The following ZNF578 variants were observed in gnomAD, a reference collection of about 807,000 sequenced individuals.
The protein encoded by ZNF578 is zinc finger protein 578, also known as Putative chemokine-related protein B42.
In ZNF578, 8 loss-of-function variants were observed where a neutral mutation model predicts 8.3. The observed-to-expected ratio is 0.96, with a 90% confidence interval of 0.56 to 1.74. The LOEUF (loss-of-function observed/expected upper bound fraction) is 1.74. Ranked by LOEUF, ZNF578 falls within the 40% of genes most tolerant of loss-of-function variation. The probability of loss-of-function intolerance (pLI) is 0.00; values close to 1 mark genes in which losing one functional copy is unlikely to be tolerated. For synonymous variants in ZNF578, 206 were observed against 232.2 expected, an observed-to-expected ratio of 0.89 and a Z score of 1.03; for missense variants, 726 against 707.5, an observed-to-expected ratio of 1.03 and a Z score of -0.30.
rs114016193 is a variant in ZNF578 at position 52,472,670 on chromosome 19, T to C, written c.-122+15712T>C. ...TATTTTGAGGTTATTTGGTAGAGCA[T>C]AGAAGCACTAAGCCATTCTGTAAGG... On this transcript the variant is annotated intron_variant, in intron 2 of 5. Coordinates refer to ENST00000421239, the MANE Select transcript of ZNF578 (RefSeq NM_001099694.2). Among the ~76,000 whole-genome samples, 494 of 152,296 alleles carry C rather than the reference T, an allele frequency of 3.2e-3. 3 individuals are homozygous for C. Among genetic ancestry groups the C allele is most frequent in the African/African-American group, 0.011 (469 of 41,564 alleles).
In ZNF578 at chr19:52,511,221, T is replaced by G; in HGVS notation, c.840T>G (p.Cys280Trp). The G allele has an allele frequency of 6.2e-7, 1 of 1,614,222 alleles. No homozygotes were observed. The highest frequency in any genetic ancestry group is 8.5e-7 in the Non-Finnish European group (1 of 1,180,042). ...GATACCTTGCACGCCATCGTAGATG[T>G]CACACTAGTGAGAAACCTTACAAGT... ...EKRYLARHRR[C>W]HTSEKPYKCN... The change falls in exon 6 of 6, where the codon TGT becomes TGG. Residue 280 changes from cysteine (C) to tryptophan (W), a missense_variant. By Grantham distance (215) the Cys-to-Trp change is radical. Coordinates refer to ENST00000421239, the MANE Select transcript of ZNF578 (RefSeq NM_001099694.2).
intron 2 of ZNF578, chr19:52,474,092 C>T: frequency 2.7e-6 from 1 of 366,292 alleles, no homozygotes; most frequent in Middle Eastern, 3.9e-4. Flanking sequence ...AGTATGAATT[C>T]TCTGATGATT....
rs760030665 is a variant in ZNF578, at chr19:52,510,694, G to A, written c.313G>A (p.Glu105Lys). 1 of 1,612,726 alleles carries A rather than the reference G, an allele frequency of 6.2e-7. No homozygotes were observed. Among genetic ancestry groups the A allele is most frequent in the Non-Finnish European group, 8.5e-7 (1 of 1,179,604 alleles). ...SYHTGDFCFQ[E>K]IEKDIHDFEF... is the part of the protein sequence containing the mutation. ...TCACACTGGAGATTTTTGCTTCCAG[G>A]AAATTGAAAAAGATATTCATGACTT... The change falls in exon 6 of 6, where the codon GAA (glutamate) becomes AAA (lysine). Residue 105 changes from glutamate (E) to lysine (K), a missense_variant. Transcript: ENST00000421239.
At chr19:52,500,104 C>A (rs185124971) in intron 3 of ZNF578, among the ~76,000 whole-genome samples, 6 of 152,160 alleles carry the variant, frequency 3.9e-5, no homozygotes, top group African/African-American at 1.4e-4. Flanking sequence ...CTGATATCAT[C>A]TTCTCCGGGT....
rs1568468202 is a variant in ZNF578 at position 52,511,428 on chromosome 19, A to G, written c.1047A>G (p.Gly349=). 2 of 1,613,860 alleles carry G rather than the reference A, an allele frequency of 1.2e-6. No homozygotes were observed. The highest frequency in any genetic ancestry group is 1.7e-6 in the Non-Finnish European group (2 of 1,179,910). ...GEKPYKCNEC[G]KSFSYKSSLR... ...AACCTTACAAGTGTAATGAATGTGG[A>G]AAGTCCTTCAGTTACAAGTCATCCC... The change falls in exon 6 of 6, where the codon GGA becomes GGG. Residue 349 remains glycine (G), a synonymous_variant. Coordinates refer to ENST00000421239, the MANE Select transcript of ZNF578 (RefSeq NM_001099694.2).
At chr19:52,488,632 A>C (rs969982927) in intron 2 of ZNF578, among the ~76,000 whole-genome samples, 4 of 151,354 alleles carry the variant, frequency 2.6e-5, no homozygotes, top group African/African-American at 9.7e-5. Context: ...AAAAATACCA[A>C]AATTAGCCAG....
intron 3 of ZNF578, among the ~76,000 whole-genome samples, chr19:52,494,727 C>T (rs535298418): frequency 6.6e-6 from 1 of 152,226 alleles, no homozygotes; most frequent in East Asian, 1.9e-4. Context: ...CGGGCAGTGA[C>T]ATTCAGTTGT....
At chr19:52,464,181 A>G (rs1189792320) in intron 2 of ZNF578, among the ~76,000 whole-genome samples, 1 of 152,168 alleles carries the variant, frequency 6.6e-6, no homozygotes. Flanking sequence ...CTAAATCATC[A>G]TTTTGAATAA....
Position 52,513,745 on chromosome 19 carries a change from AAG to A in ZNF578, c.*1593_*1594del. Among the ~76,000 whole-genome samples, 1 of 151,528 alleles carries A rather than the reference AAG, an allele frequency of 6.6e-6. No individual in the cohort carries two copies. Among genetic ancestry groups the A allele is most frequent in the East Asian group, 1.9e-4 (1 of 5,160 alleles). ...AGTCTGTCTCAAAAAAAAAAAAAAA[AAG>A]ATATCAAACCCGGGGTGTCTCATCC... is the stretch of plus-strand genomic sequence containing the variant. On this transcript the variant is annotated 3_prime_UTR_variant, in exon 6 of 6. Coordinates refer to ENST00000421239, the MANE Select transcript of ZNF578 (RefSeq NM_001099694.2).
At chr19:52,492,078 A>C (rs1479039603) in intron 3 of ZNF578, among the ~76,000 whole-genome samples, 1 of 147,050 alleles carries the variant, frequency 6.8e-6, no homozygotes, top group Non-Finnish European at 1.5e-5. Context: ...GAATGGCGTG[A>C]ACCCGGAAGT....
chr19:52,504,297 G>A (rs1040082253), intron 4 of ZNF578, among the ~76,000 whole-genome samples: 18 of 151,146 alleles, frequency 1.2e-4, no homozygotes, highest in Admixed American at 3.3e-4. Flanking sequence ...CACCACATTG[G>A]CCAGGGTGGT....
chr19:52,493,730 C>T (rs1599903254), intron 3 of ZNF578, among the ~76,000 whole-genome samples: 1 of 152,090 alleles, frequency 6.6e-6, no homozygotes, highest in African/African-American at 2.4e-5. Flanking sequence ...GTGGCTTATG[C>T]CTGTAATCCC....
rs1478134259 is a variant in ZNF578, at chr19:52,514,144, G to A, written c.*1990G>A. Reference sequence around the variant, plus strand: ...CTCTATTTATTTTTTCTTTTTTGCAGATTGAGTTTGAGATATATCTTAGTT... The same window carrying A: ...CTCTATTTATTTTTTCTTTTTTGCAAATTGAGTTTGAGATATATCTTAGTT... On this transcript the variant is annotated 3_prime_UTR_variant, in exon 6 of 6. Transcript: ENST00000421239. Among the ~76,000 whole-genome samples the A allele has an allele frequency of 1.3e-5, 2 of 151,632 alleles. No homozygotes were observed. The highest frequency in any genetic ancestry group is 4.8e-5 in the African/African-American group (2 of 41,250).
At chr19:52,493,094 T>C (rs1463585811) in intron 3 of ZNF578, among the ~76,000 whole-genome samples, 1 of 152,150 alleles carries the variant, frequency 6.6e-6, no homozygotes, top group Admixed American at 6.5e-5. Context: ...TATACACTTC[T>C]ATAGCGTAAT....
At chr19:52,461,754 C>G (rs1266596603) in intron 2 of ZNF578, among the ~76,000 whole-genome samples, 1 of 152,188 alleles carries the variant, frequency 6.6e-6, no homozygotes, top group Non-Finnish European at 1.5e-5. Context: ...AACTGATACA[C>G]AAATTGAAGT....
chr19:52,510,835 A>G lies in ZNF578; in HGVS notation c.454A>G (p.Ile152Val), dbSNP rs1568467799. Residue 152 changes from isoleucine to valine, a missense_variant, in exon 6 of 6, where the codon ATT becomes GTT. Physicochemically the swap from Ile to Val is conservative, Grantham distance 29. Coordinates refer to ENST00000421239, the MANE Select transcript of ZNF578 (RefSeq NM_001099694.2). ...HDQRHAGNKP[I>V]KDQLGLSFHL... ...TCAAAGGCATGCTGGAAACAAGCCT[A>G]TTAAAGATCAGCTTGGATTAAGCTT... is the stretch of plus-strand genomic sequence containing the variant. 1.8e-5 allele frequency: 29 copies of G among 1,614,240 alleles called. No homozygotes were observed. The highest frequency in any genetic ancestry group is 2.3e-5 in the Non-Finnish European group (27 of 1,180,032).
At chr19:52,482,601 GCA>G (rs977943852) in intron 2 of ZNF578, among the ~76,000 whole-genome samples, 3 of 151,112 alleles carry the variant, frequency 2.0e-5, no homozygotes, top group Non-Finnish European at 2.9e-5. Flanking sequence ...TTGCGCCACT[GCA>G]CACCAGCCTG....
rs2059271067 is a variant in ZNF578 at position 52,465,270 on chromosome 19, GCTCC to G, written c.-122+8318_-122+8321del. Among the ~76,000 whole-genome samples the G allele has an allele frequency of 2.0e-5, 3 of 151,968 alleles. No homozygotes were observed. In the South Asian group the frequency reaches 6.3e-4, roughly 32 times the overall value. On this transcript the variant is annotated intron_variant, in intron 2 of 5. Coordinates refer to ENST00000421239, the MANE Select transcript of ZNF578 (RefSeq NM_001099694.2). ...CGAGTCTCGGTGAGCCGAGTATCGG[GCTCC>G]CTCCCCCACCACTCACTGGGTTGAG...
At chr19:52,481,346 C>T (rs937622966) in intron 2 of ZNF578, among the ~76,000 whole-genome samples, 9 of 152,102 alleles carry the variant, frequency 5.9e-5, no homozygotes, top group Admixed American at 1.3e-4. Flanking sequence ...AGAAGGAACG[C>T]GGGAATTAAA....
Sources: gnomAD v4.1 joint callset for allele counts (sites outside exome capture counted in the v4.1 genomes callset) on GRCh38, gnomAD v4.1.1 for gene constraint, MANE v1.5 for transcripts, NCBI Gene and HGNC (gene_info 2026-07-23, HGNC 2026-07-21) for gene names.